The following TMEM165 variants were observed in gnomAD, a reference collection of about 807,000 sequenced individuals.
TMEM165 encodes the protein transmembrane protein 165.
In TMEM165, 19 loss-of-function variants were observed where a neutral mutation model predicts 30.0. The observed-to-expected ratio is 0.63, with a 90% confidence interval of 0.44 to 0.93. The LOEUF (loss-of-function observed/expected upper bound fraction) is 0.93. TMEM165 is among the 40% of genes least tolerant of loss of function. The pLI is 0.00. For missense variants in TMEM165, 340 were observed against 417.0 expected (o/e 0.82, Z 1.61); for synonymous variants, 168 against 162.9 (o/e 1.03, Z -0.24).
chr4:55,403,296 T>C, intron 1 of TMEM165: 1 of 1,278,694 alleles, frequency 7.8e-7, no homozygotes, highest in Non-Finnish European at 1.0e-6. Context: ...AGCATCTTCA[T>C]CTTCTCTAGT....
intron 1 of TMEM165, among the ~76,000 whole-genome samples, chr4:55,403,576 T>TAA (rs78459467): frequency 3.4e-5 from 5 of 148,576 alleles, no homozygotes; most frequent in Non-Finnish European, 3.0e-5. Context: ...CAAGTTTTTT[T>TAA]AAAAAAATCT....
chr4:55,411,481 C>G, intron 1 of TMEM165, 133 bp from the exon 2 acceptor site: 1 of 765,660 alleles, frequency 1.3e-6, no homozygotes. Context: ...TGATGGCTTT[C>G]AGAGTGATTA....
At chr4:55,429,184 T>C (rs1722363741), downstream of TMEM165, 1 of 152,196 alleles carries the variant, frequency 6.6e-6, no homozygotes, top group South Asian at 2.1e-4. Context: ...TTAAAAGCGA[T>C]GTCACAGTTT....
At chr4:55,416,867 G>T in intron 2 of TMEM165, 1 of 424,368 alleles carries the variant, frequency 2.4e-6, no homozygotes, top group Non-Finnish European at 4.2e-6. Flanking sequence ...TTCTGAGTAA[G>T]CTGTGTTAGG....
At chr4:55,427,364 A>AATCT (rs10566465), downstream of TMEM165, among the ~76,000 whole-genome samples, 5 of 150,588 alleles carry the variant, frequency 3.3e-5, no homozygotes, top group East Asian at 2.0e-4. Context: ...GTTTGGAGAC[A>AATCT]ATCTATCTCA....
chr4:55,413,930 A>T (rs1560393184), intron 2 of TMEM165, among the ~76,000 whole-genome samples: 2 of 152,250 alleles, frequency 1.3e-5, no homozygotes, highest in Non-Finnish European at 2.9e-5. Context: ...TGAATCTGTC[A>T]TCCATATTTT....
chr4:55,425,428 T>C lies in TMEM165; in HGVS notation c.951T>C (p.Phe317=), dbSNP rs745360661. 2 of 1,610,790 alleles carry C rather than the reference T, an allele frequency of 1.2e-6. No individual in the cohort carries two copies. Among genetic ancestry groups the C allele is most frequent in the Non-Finnish European group, 1.7e-6 (2 of 1,179,168 alleles). The part of the protein sequence containing the change: ...VFLAFAFSAL[F]ISPDSGF ...TGGCGTTTGCATTTTCTGCACTATTTATAAGCCCTGATTCTGGTTTTTAAC... is the reference window on the plus strand; with the variant it reads ...TGGCGTTTGCATTTTCTGCACTATTCATAAGCCCTGATTCTGGTTTTTAAC... The change falls in exon 6 of 6, where the codon TTT becomes TTC. Residue 317 remains phenylalanine, a synonymous_variant. Transcript: ENST00000381334.
intron 4 of TMEM165, among the ~76,000 whole-genome samples, chr4:55,419,748 A>G (rs1721887793): frequency 6.6e-6 from 1 of 151,958 alleles, no homozygotes; most frequent in Admixed American, 6.6e-5. Flanking sequence ...ATTCCTTGGA[A>G]CTATCATAAA....
chr4:55,443,620 T>C, intron 3 of TMEM165: 1 of 1,203,620 alleles, frequency 8.3e-7, no homozygotes, highest in East Asian at 2.3e-5. Flanking sequence ...GCTTTATTTC[T>C]GCTTCAGCAA....
downstream of TMEM165, chr4:55,429,681 T>C (rs1722383562): frequency 6.6e-6 from 1 of 152,246 alleles, no homozygotes; most frequent in Non-Finnish European, 1.5e-5. Flanking sequence ...AGAGGCATCA[T>C]GTGCCATTGG....
chr4:55,426,702 A>C (rs930579520), downstream of TMEM165, among the ~76,000 whole-genome samples: 2 of 152,228 alleles, frequency 1.3e-5, no homozygotes, highest in Non-Finnish European at 2.9e-5. Context: ...GCTACTACAA[A>C]GGTCCACAAT....
At chr4:55,426,349 C>T (rs913201482), downstream of TMEM165, among the ~76,000 whole-genome samples, 2 of 152,034 alleles carry the variant, frequency 1.3e-5, no homozygotes, top group African/African-American at 4.8e-5. Flanking sequence ...GTAGTAGGTA[C>T]TAATATAAGG....
intron 3 of TMEM165, among the ~76,000 whole-genome samples, chr4:55,437,682 T>C (rs1330436297): frequency 6.6e-6 from 1 of 152,128 alleles, no homozygotes; most frequent in African/African-American, 2.4e-5. Flanking sequence ...CACGTGACGT[T>C]TACCAAGAGT....
At chr4:55,414,321 G>A (rs1214387928) in intron 2 of TMEM165, among the ~76,000 whole-genome samples, 3 of 151,420 alleles carry the variant, frequency 2.0e-5, no homozygotes, top group Non-Finnish European at 4.4e-5. Context: ...TGTGTTATCA[G>A]TTTTATGTAA....
chr4:55,396,440 G>C (rs1345882782), intron 1 of TMEM165, 44 bp downstream of exon 1: 1 of 1,371,076 alleles, frequency 7.3e-7, no homozygotes, highest in Non-Finnish European at 9.4e-7. Context: ...AGGGCCGGCT[G>C]CGCCGAGTAC....
chr4:55,402,388 C>CGTGTGTGT (rs375368106), intron 1 of TMEM165, among the ~76,000 whole-genome samples: 14 of 27,900 alleles, frequency 5.0e-4, no homozygotes, highest in South Asian at 2.9e-3. Context: ...TAAGTGCGTG[C>CGTGTGTGT]GTGTGTGTGT....
exon 4 of TMEM165, chr4:55,452,820 C>A: frequency 2.5e-6 from 1 of 395,984 alleles, no homozygotes; most frequent in Admixed American, 3.9e-5. Context: ...TAGTACATCA[C>A]TGGGAATAAA....
intron 1 of TMEM165, chr4:55,403,280 A>T (rs1012513795): frequency 1.6e-6 from 2 of 1,284,330 alleles, no homozygotes; most frequent in Non-Finnish European, 2.0e-6. Flanking sequence ...ATTTTGTTTC[A>T]AGGAAAGCAT....
rs1440486669 is a variant in TMEM165 at position 55,401,416 on chromosome 4, G to T, written c.207+5020G>T. On this transcript the variant is annotated intron_variant, in intron 1 of 5. Coordinates refer to ENST00000381334, the MANE Select transcript of TMEM165 (RefSeq NM_018475.5). ...AACATAAGTCCTTTGAGTTGAGGGAGATCAGATAGATTTAATAAAAGTCAT... is the reference window on the plus strand; with the variant it reads ...AACATAAGTCCTTTGAGTTGAGGGATATCAGATAGATTTAATAAAAGTCAT... Among the ~76,000 whole-genome samples, 2 of 150,530 alleles carry T rather than the reference G, an allele frequency of 1.3e-5. 1 individual carries two copies. Among genetic ancestry groups the T allele is most frequent in the African/African-American group, 5.0e-5 (2 of 39,882 alleles).
Sources: gnomAD v4.1 joint callset for allele counts (sites outside exome capture counted in the v4.1 genomes callset) on GRCh38, gnomAD v4.1.1 for gene constraint, MANE v1.5 for transcripts, NCBI Gene and HGNC (gene_info 2026-07-23, HGNC 2026-07-21) for gene names.